Variants in PCDH11X observed in about 807,000 individuals in gnomAD.
PCDH11X encodes protocadherin-11 X-linked.
A neutral mutation model predicts 53.3 loss-of-function variants in PCDH11X; 18 were observed. The ratio of observed to expected loss-of-function variants is 0.34; its 90% CI spans 0.23 to 0.50. The LOEUF is 0.50. PCDH11X is among the 20% of genes least tolerant of loss of function. The pLI is 0.98. For missense variants in PCDH11X, 570 were observed against 1,032.4 expected, an observed-to-expected ratio of 0.55 and a Z score of 6.14; for synonymous variants, 279 against 393.3, an observed-to-expected ratio of 0.71 and a Z score of 3.44.
At position 92,132,657 on chromosome X, in the gene PCDH11X, GTATATATATATGTATATGTATATATATA is replaced by G. The variant is rs1569376689; in HGVS notation, c.3034-68716_3034-68689del. 3.8e-3 allele frequency among the ~76,000 whole-genome samples: 209 copies of G among 54,380 alleles called. 1 individual carries two copies. The highest frequency in any genetic ancestry group is 0.014 in the African/African-American group (197 of 14,563). The allele number at this position is 54,380 out of a possible 115,157, so 47.2% of individuals were successfully genotyped here. On this transcript the variant is annotated intron_variant, in intron 6 of 10. Coordinates refer to ENST00000682573, the MANE Select transcript of PCDH11X (RefSeq NM_032968.5). ...TATGTATATATATATATATATATAT[GTATATATATATGTATATGTATATATATA>G]TGTATATATATATATATATATGTAT...
Position 91,825,396 on chromosome X carries a change from C to G in PCDH11X, c.-44-10065C>G, listed in dbSNP as rs1050294185. 1.3e-4 allele frequency among the ~76,000 whole-genome samples: 14 copies of G among 111,483 alleles called. No homozygotes were observed. In the East Asian group the frequency reaches 3.7e-3, roughly 30 times the overall value. On this transcript the variant is annotated intron_variant, in intron 4 of 10. Coordinates refer to ENST00000682573, the MANE Select transcript of PCDH11X (RefSeq NM_032968.5). ...CTCGTGGTGCGCCGTTTTTTAAGCC[C>G]GTCGGAAAAGCACAGTATTCGGGTG...
At chrX:92,588,376 A>ATATATATATATATATATGGATG (rs1924639400) in intron 10 of PCDH11X, among the ~76,000 whole-genome samples, 1 of 105,495 alleles carries the variant, frequency 9.5e-6, no homozygotes. Context: ...GTGTGTGTAT[A>ATATATATATATATATATGGATG]TATATATATA....
intron 5 of PCDH11X, among the ~76,000 whole-genome samples, chrX:91,837,532 G>A (rs984217110): frequency 8.1e-5 from 9 of 110,977 alleles, no homozygotes; most frequent in African/African-American, 3.0e-4. Context: ...TACCAGACAT[G>A]CTACTTTCAG....
chrX:92,398,321 A>T (rs777611111), intron 9 of PCDH11X, among the ~76,000 whole-genome samples: 26 of 111,498 alleles, frequency 2.3e-4, no homozygotes, highest in African/African-American at 8.1e-4. Context: ...ATACAGGGTA[A>T]AAACATACTG....
At chrX:91,827,427 T>C (rs1466188976) in intron 4 of PCDH11X, among the ~76,000 whole-genome samples, 4 of 111,805 alleles carry the variant, frequency 3.6e-5, no homozygotes, top group African/African-American at 1.3e-4. Context: ...CTGTTGATGG[T>C]TTGTTTTGCT....
intron 10 of PCDH11X, among the ~76,000 whole-genome samples, chrX:92,563,982 A>G (rs1467453024): frequency 9.1e-6 from 1 of 110,341 alleles, no homozygotes; most frequent in Non-Finnish European, 1.9e-5. Context: ...TGTCACCAGG[A>G]GACAATCTGA....
intron 10 of PCDH11X, among the ~76,000 whole-genome samples, chrX:92,572,993 A>G (rs112595812): frequency 0.036 from 3,992 of 110,952 alleles, 179 homozygotes; most frequent in African/African-American, 0.13. Flanking sequence ...GAAATTCTGA[A>G]AAATTTTATT....
chrX:92,568,304 C>T (rs1383224315), intron 10 of PCDH11X, among the ~76,000 whole-genome samples: 1 of 109,531 alleles, frequency 9.1e-6, no homozygotes, highest in Non-Finnish European at 1.9e-5. Flanking sequence ...CGCCTGTAGT[C>T]CCAGCTACTC....
rs1194284134 is a variant in PCDH11X, at chrX:91,835,735, TGAAGA to T, written c.233_237del (p.Glu78GlyfsTer4). 3 of 1,211,664 alleles carry T rather than the reference TGAAGA, an allele frequency of 2.5e-6. No individual in the cohort carries two copies. ...CCGGAGATGTGCCACTGATTCGAAT[TGAAGA>T]GGATACTGGTGAGATCTTCACTACT... On this transcript the variant is annotated frameshift_variant, in exon 5 of 11. Coordinates refer to ENST00000682573, the MANE Select transcript of PCDH11X (RefSeq NM_032968.5). LOFTEE classifies it high-confidence loss of function.
intron 10 of PCDH11X, among the ~76,000 whole-genome samples, chrX:92,534,885 C>A (rs1238631604): frequency 2.3e-4 from 26 of 111,893 alleles, no homozygotes; most frequent in Non-Finnish European, 4.7e-4. Flanking sequence ...GCCTGCCTTA[C>A]AAGAGCTCCT....
At chrX:92,472,370 C>CTTTTTTTT (rs750331340) in intron 10 of PCDH11X, among the ~76,000 whole-genome samples, 1 of 52,507 alleles carries the variant, frequency 1.9e-5, no homozygotes, top group African/African-American at 9.1e-5. Flanking sequence ...TTCTTCAGAG[C>CTTTTTTTT]TTTTTTTTTT....
intron 9 of PCDH11X, among the ~76,000 whole-genome samples, chrX:92,397,465 T>C (rs1447293709): frequency 9.3e-6 from 1 of 107,773 alleles, no homozygotes; most frequent in African/African-American, 3.5e-5. Flanking sequence ...GAAGAAGGAG[T>C]CAATTTTTTT....
chrX:92,477,299 G>A (rs2073408546), intron 10 of PCDH11X, among the ~76,000 whole-genome samples: 1 of 104,197 alleles, frequency 9.6e-6, no homozygotes, highest in African/African-American at 3.5e-5. Flanking sequence ...CAACTGAGCT[G>A]GCACTCAAAC....
At chrX:92,593,335 G>C (rs1278893650) in intron 10 of PCDH11X, among the ~76,000 whole-genome samples, 1 of 111,824 alleles carries the variant, frequency 8.9e-6, no homozygotes, top group East Asian at 2.8e-4. Flanking sequence ...CTTTGTCTTT[G>C]TCATGGGCTC....
rs2066283552 is a variant in PCDH11X at position 92,195,800 on chromosome X, GA to G, written c.3034-5574del. On this transcript the variant is annotated intron_variant, in intron 6 of 10. Transcript: ENST00000682573. ...ATACAAAGCTCAAGACAAAACAAAA[GA>G]CACACAAAGAATAAAGGAGAATTAA... 2.7e-5 allele frequency among the ~76,000 whole-genome samples: 3 copies of G among 111,584 alleles called. No individual in the cohort carries two copies. In the South Asian group the frequency reaches 1.1e-3, roughly 42 times the overall value.
intron 6 of PCDH11X, among the ~76,000 whole-genome samples, chrX:91,942,110 A>G (rs1205623093): frequency 9.1e-6 from 1 of 110,371 alleles, no homozygotes; most frequent in African/African-American, 3.3e-5. Context: ...GAAAAGAAAA[A>G]AAAAGAAAAG....
At chrX:92,612,105 A>G (rs1172347556) in intron 10 of PCDH11X, among the ~76,000 whole-genome samples, 1 of 110,910 alleles carries the variant, frequency 9.0e-6, no homozygotes, top group Non-Finnish European at 1.9e-5. Flanking sequence ...CTGGCCTCAT[A>G]GAAGGAGTTA....
Position 91,879,155 on chromosome X carries a change from T to C in PCDH11X, c.2915T>C (p.Phe972Ser), listed in dbSNP as rs778876498. 7.4e-6 allele frequency: 9 copies of C among 1,209,280 alleles called. No individual in the cohort carries two copies. The African/African-American group carries it at 8.8e-5, about 12-fold the overall frequency. Residue 972 changes from phenylalanine to serine, a missense_variant, in exon 6 of 11, where the codon TTT (phenylalanine) becomes TCT (serine). Around this residue, in one of 6 missense-constraint regions of PCDH11X, gnomAD observed 234 missense variants for 296.1 expected, o/e 0.79. Transcript: ENST00000682573. ...IIQELPLDNT[F>S]VACDSISKCS... ...CAAGAACTGCCTCTCGATAACACCT[T>C]TGTGGCCTGTGACTCTATCTCCAAG...
intron 10 of PCDH11X, among the ~76,000 whole-genome samples, chrX:92,609,587 G>A (rs1460244565): frequency 9.0e-6 from 1 of 111,229 alleles, no homozygotes; most frequent in Non-Finnish European, 1.9e-5. Flanking sequence ...TTTTAATTGA[G>A]TTCTTCATTT....
Sources: gnomAD v4.1 joint callset for allele counts (sites outside exome capture counted in the v4.1 genomes callset) on GRCh38, gnomAD v4.1.1 for gene constraint, gnomAD v4.1.1 regional missense constraint, MANE v1.5 for transcripts, NCBI Gene and HGNC (gene_info 2026-07-23, HGNC 2026-07-21) for gene names.